Variants in FRMD6 observed in about 807,000 individuals in gnomAD.
The protein encoded by FRMD6 is FERM domain-containing protein 6.
FRMD6 carries 37 observed loss-of-function variants against 73.2 expected under a neutral mutation model. That is an observed-to-expected ratio of 0.51 (90% confidence interval 0.39 to 0.66). FRMD6 has a LOEUF of 0.66. FRMD6 is among the 30% of genes least tolerant of loss of function. The pLI is 0.00. For missense variants in FRMD6, 714 were observed against 780.5 expected, an observed-to-expected ratio of 0.91 and a Z score of 1.02; for synonymous variants, 273 against 282.2, an observed-to-expected ratio of 0.97 and a Z score of 0.33.
chr14:51,410,453 A>G, the FRMD6 span, among the ~76,000 whole-genome samples: 1,143 of 152,336 alleles, frequency 7.5e-3, 15 homozygotes, highest in African/African-American at 0.026. Flanking sequence ...TTAAACTTTC[A>G]TGTAAAAGTA....
At position 51,646,217 on chromosome 14, in the gene FRMD6, C is replaced by T. The variant is rs10444716; in HGVS notation, c.-146-43474C>T. Among the ~76,000 whole-genome samples the T allele has an allele frequency of 2.7e-5, 4 of 148,540 alleles. No individual in the cohort carries two copies. In the Admixed American group the frequency reaches 2.8e-4, roughly 10 times the overall value. On this transcript the variant is annotated intron_variant, in intron 2 of 14. Coordinates refer to the FRMD6 transcript ENST00000356218. ...CCTGTAGTCTCGGCTACTCGGGAGG[C>T]TGAGGCAGGAGAAACGCTTGAACCC...
At chr14:51,719,004 A>G (rs1897389874) in intron 10 of FRMD6, among the ~76,000 whole-genome samples, 1 of 152,208 alleles carries the variant, frequency 6.6e-6, no homozygotes, top group Non-Finnish European at 1.5e-5. Context: ...CAATTAGTCT[A>G]CTAGTTTCTA....
At chr14:51,520,146 A>C (rs1884865213) in intron 1 of FRMD6, among the ~76,000 whole-genome samples, 1 of 152,252 alleles carries the variant, frequency 6.6e-6, no homozygotes, top group Non-Finnish European at 1.5e-5. Context: ...AAACAACCTA[A>C]TTTAAAAATG....
At chr14:51,557,948 C>G (rs1364741113) in intron 1 of FRMD6, among the ~76,000 whole-genome samples, 1 of 145,128 alleles carries the variant, frequency 6.9e-6, no homozygotes, top group Non-Finnish European at 1.5e-5. Context: ...TGTGTGTACC[C>G]CTGAACTAAA....
rs1376444782 is a variant in FRMD6, at chr14:51,701,372, G to GAGTATATATATAGTAGTATATATACTT, written c.294+226_294+252dup. 6.5e-4 allele frequency among the ~76,000 whole-genome samples: 92 copies of GAGTATATATATAGTAGTATATATACTT among 142,532 alleles called. 1 individual carries two copies. The East Asian group carries it at 0.013, about 21-fold the overall frequency. The allele number at this position is 142,532 out of a possible 152,430, so 93.5% of individuals were successfully genotyped here. ...TCTTTTCCCATTTTCTATATATGCTGAGTATATATATAGTAGTATATATAC... is the reference window on the plus strand; with the variant it reads ...TCTTTTCCCATTTTCTATATATGCTGAGTATATATATAGTAGTATATATACTTAGTATATATATAGTAGTATATATAC... On this transcript the variant is annotated intron_variant, in intron 4 of 13. Transcript: ENST00000344768.
chr14:51,591,164 A>G (rs1321920617), intron 2 of FRMD6, among the ~76,000 whole-genome samples: 2 of 152,192 alleles, frequency 1.3e-5, no homozygotes, highest in African/African-American at 2.4e-5. Context: ...CATGTTGATC[A>G]GGGCCAAGGC....
intron 1 of FRMD6, among the ~76,000 whole-genome samples, chr14:51,686,983 A>G (rs1206851414): frequency 6.6e-6 from 1 of 152,108 alleles, no homozygotes; most frequent in Non-Finnish European, 1.5e-5. Flanking sequence ...GGGCTTTTCT[A>G]GTTTGCCATC....
At chr14:51,721,645 GGGAA>G (rs35529093) in intron 11 of FRMD6, among the ~76,000 whole-genome samples, 89,416 of 132,602 alleles carry the variant, frequency 0.67, 30,549 homozygotes, top group Non-Finnish European at 0.69. Flanking sequence ...GAGGGAGGGA[GGGAA>G]GGAAGGAAGG....
At chr14:51,446,459 C>CACACACACACACACACACACAT in the FRMD6 span, among the ~76,000 whole-genome samples, 1 of 152,002 alleles carries the variant, frequency 6.6e-6, no homozygotes, top group South Asian at 2.1e-4. Context: ...CACACACACA[C>CACACACACACACACACACACAT]ACACACACAC....
the FRMD6 span, among the ~76,000 whole-genome samples, chr14:51,474,530 CT>C: frequency 6.6e-6 from 1 of 152,186 alleles, no homozygotes; most frequent in African/African-American, 2.4e-5. Flanking sequence ...TTGAATTTGC[CT>C]TTGAACTAGT....
intron 2 of FRMD6, among the ~76,000 whole-genome samples, chr14:51,614,866 CT>C (rs1890647710): frequency 6.6e-6 from 1 of 152,230 alleles, no homozygotes; most frequent in Non-Finnish European, 1.5e-5. Context: ...AATCAAGGGT[CT>C]GTGGTTAATT....
intron 2 of FRMD6, among the ~76,000 whole-genome samples, chr14:51,600,367 T>C (rs1046163949): frequency 6.6e-6 from 1 of 152,346 alleles, no homozygotes; most frequent in African/African-American, 2.4e-5. Flanking sequence ...TCCCTTGCAG[T>C]TGATTTTGGA....
rs111262779 is a variant in FRMD6 at position 51,664,422 on chromosome 14, A to C, written c.-147+12426A>C. Among the ~76,000 whole-genome samples, 1,333 of 152,360 alleles carry C rather than the reference A, an allele frequency of 8.7e-3. 20 individuals are homozygous for C. The highest frequency in any genetic ancestry group is 0.03 in the African/African-American group (1,246 of 41,574). On this transcript the variant is annotated intron_variant, in intron 1 of 13. Transcript: ENST00000344768. ...TGTCTGTAATACTGTCATCAAAATG[A>C]ATCAACAGGTGTCTGATACTAATTA...
chr14:51,425,210 C>A, the FRMD6 span, among the ~76,000 whole-genome samples: 18 of 152,296 alleles, frequency 1.2e-4, no homozygotes, highest in East Asian at 3.1e-3. Context: ...CACCCAATCT[C>A]ATTCCCTGCC....
chr14:51,698,054 A>G (rs1896058458), intron 2 of FRMD6, 88 bp from the exon 3 acceptor site: 5 of 851,734 alleles, frequency 5.9e-6, no homozygotes, highest in Admixed American at 5.8e-5. Flanking sequence ...CAAGGAATAT[A>G]TTTACGATGC....
At chr14:51,608,796 A>G (rs1448690551) in intron 2 of FRMD6, among the ~76,000 whole-genome samples, 1 of 152,178 alleles carries the variant, frequency 6.6e-6, no homozygotes, top group Non-Finnish European at 1.5e-5. Context: ...ACGTTAGTGC[A>G]CAGGATAAGT....
intron 9 of FRMD6, among the ~76,000 whole-genome samples, chr14:51,713,415 A>C (rs950066454): frequency 6.7e-6 from 1 of 149,350 alleles, no homozygotes; most frequent in Non-Finnish European, 1.5e-5. Context: ...CCAAGACCGC[A>C]CCATTGCACT....
At chr14:51,469,388 C>T in the FRMD6 span, among the ~76,000 whole-genome samples, 76 of 149,966 alleles carry the variant, frequency 5.1e-4, 1 homozygote, top group East Asian at 0.012. Context: ...CCGAGGCGGG[C>T]GGATCACGAG....
chr14:51,509,586 A>T (rs1884175704), intron 1 of FRMD6, among the ~76,000 whole-genome samples: 1 of 152,138 alleles, frequency 6.6e-6, no homozygotes, highest in African/African-American at 2.4e-5. Context: ...AGCAGGACAA[A>T]GGTTTGCCAC....
Sources: allele counts gnomAD v4.1 joint callset (sites outside exome capture counted in the v4.1 genomes callset), GRCh38; gene constraint gnomAD v4.1.1; transcripts MANE v1.5; gene names NCBI Gene and HGNC (gene_info 2026-07-23, HGNC 2026-07-21).